The following ATP13A2 variants were observed in gnomAD, a reference collection of about 807,000 sequenced individuals.
ATP13A2 encodes polyamine-transporting ATPase 13A2.
In ATP13A2, 83 loss-of-function variants were observed where a neutral mutation model predicts 138.3. The ratio of observed to expected loss-of-function variants is 0.60; its 90% CI spans 0.50 to 0.72. The LOEUF (loss-of-function observed/expected upper bound fraction) is 0.72. ATP13A2 is among the 30% of genes least tolerant of loss of function. The pLI is 0.00. For missense variants in ATP13A2, 1,402 were observed against 1,606.4 expected, an observed-to-expected ratio of 0.87 and a Z score of 2.17; for synonymous variants, 663 against 699.0, an observed-to-expected ratio of 0.95 and a Z score of 0.81.
In ATP13A2 at chr1:16,995,706, A is replaced by T. The variant is rs942234663; in HGVS notation, c.1542+270T>A. ...AGTGATGTATCTGCCTCAGCCTCCC[A>T]AAGTGCTGGGATTACAGACGTGAGC... On this transcript the variant is annotated intron_variant, in intron 15 of 28. Transcript: ENST00000326735. This position sits in a 1 kb window ranked among gnomAD's most constrained non-coding sequence, Gnocchi z 4.1. 1 of 525,608 alleles carries T rather than the reference A, an allele frequency of 1.9e-6. No homozygotes were observed. The highest frequency in any genetic ancestry group is 1.9e-5 in the African/African-American group (1 of 52,722). 32.6% of individuals were successfully genotyped at this position (525,608 alleles called of 1,614,324 possible).
In ATP13A2 at chr1:16,986,845, C is replaced by T. The variant is rs2100647084; in HGVS notation, c.3195G>A (p.Val1065=). 6.2e-7 allele frequency: 1 copy of T among 1,613,928 alleles called. No homozygotes were observed. Among genetic ancestry groups the T allele is most frequent in the South Asian group, 1.1e-5 (1 of 91,070 alleles). ...SFQYLILAAA[V]SKGAPFRRPL... ...GCCGGCGGAAGGGCGCCCCCTTGGA[C>T]ACGGCTGCAGCCAGGATGAGGTACT... Residue 1065 remains valine (V), a synonymous_variant, in exon 27 of 29, where the codon GTG becomes GTA. Coordinates refer to ENST00000326735, the MANE Select transcript of ATP13A2 (RefSeq NM_022089.4). This position sits in a 1 kb window ranked among gnomAD's most constrained non-coding sequence, Gnocchi z 6.9.
chr1:17,000,194 G>GCGCC, intron 10 of ATP13A2, 52 bp from the exon 11 acceptor site: 1 of 1,570,254 alleles, frequency 6.4e-7, no homozygotes, highest in South Asian at 1.1e-5. Flanking sequence ...CCCCAGCCAT[G>GCGCC]CCCCCCCACC....
At position 17,001,915 on chromosome 1, in the gene ATP13A2, T is replaced by C. The variant is rs866290363; in HGVS notation, c.705+119A>G. 6.8e-6 allele frequency: 7 copies of C among 1,023,914 alleles called. No homozygotes were observed. In the Admixed American group the frequency reaches 8.2e-5, roughly 12 times the overall value. The allele number at this position is 1,023,914 out of a possible 1,614,324, so 63.4% of individuals were successfully genotyped here. On this transcript the variant is annotated intron_variant, in intron 8 of 28. Coordinates refer to ENST00000326735, the MANE Select transcript of ATP13A2 (RefSeq NM_022089.4). ...CAGGTTCTGAGATGACGATCCACTA[T>C]GGAGAAGGGGACAGCTGGTCTGGTT...
intron 8 of ATP13A2, among the ~76,000 whole-genome samples, chr1:17,001,652 G>T (rs2077361289): frequency 6.6e-6 from 1 of 152,290 alleles, no homozygotes; most frequent in African/African-American, 2.4e-5. Context: ...GGATTTCTCA[G>T]GTGTGAACAG....
At chr1:17,005,340 G>C (rs552168471) in intron 3 of ATP13A2, 34 bp downstream of exon 3, 1 of 1,567,678 alleles carries the variant, frequency 6.4e-7, no homozygotes, top group Non-Finnish European at 8.7e-7. Flanking sequence ...CCCTCACTGC[G>C]CTTCTCTAGC....
Position 17,000,113 on chromosome 1 carries a change from C to G in ATP13A2, c.937G>C (p.Val313Leu), listed in dbSNP as rs1435543621. Residue 313 changes from valine (V) to leucine (L), a missense_variant, in exon 11 of 29, where the codon GTG becomes CTG. Transcript: ENST00000326735. Reference protein sequence around the residue: ...EEEWVDSSELVPGDCLVLPQE... With the variant: ...EEEWVDSSELLPGDCLVLPQE... ...GGCAGCACCAGGCAGTCTCCGGGCA[C>G]TAGCTCACTGGAGTCCACCCACTCT... The G allele has an allele frequency of 6.2e-7, 1 of 1,613,380 alleles. No homozygotes were observed. The highest frequency in any genetic ancestry group is 8.5e-7 in the Non-Finnish European group (1 of 1,180,014).
Position 16,990,014 on chromosome 1 carries a change from AG to A in ATP13A2, c.2413-12del. 1 of 1,612,798 alleles carries A rather than the reference AG, an allele frequency of 6.2e-7. No individual in the cohort carries two copies. Among genetic ancestry groups the A allele is most frequent in the Non-Finnish European group, 8.5e-7 (1 of 1,179,422 alleles). ...AGCCTGGTCAGGATCCTGGGGGCCC[AG>A]GAAGCTCAGCTTAGCTCCCCCTGCC... On this transcript the variant is annotated splice_polypyrimidine_tract_variant and intron_variant, in intron 21 of 28. Transcript: ENST00000326735.
At chr1:17,000,798 C>A in intron 8 of ATP13A2, 1 of 461,274 alleles carries the variant, frequency 2.2e-6, no homozygotes, top group Non-Finnish European at 3.9e-6. Context: ...AAAAATTAGC[C>A]TGATGGGGTG....
At position 16,989,688 on chromosome 1, in the gene ATP13A2, C is replaced by T; in HGVS notation, c.2609+3G>A. ...TTGCCCACACCCTCTGCCGAGCACTCACTGAAGCTTCTGTAGCTCGCACAC... is the reference window on the plus strand; with the variant it reads ...TTGCCCACACCCTCTGCCGAGCACTTACTGAAGCTTCTGTAGCTCGCACAC... On this transcript the variant is annotated splice_donor_region_variant and intron_variant, in intron 23 of 28. Coordinates refer to ENST00000326735, the MANE Select transcript of ATP13A2 (RefSeq NM_022089.4). The T allele has an allele frequency of 6.2e-7, 1 of 1,614,094 alleles. No homozygotes were observed. Among genetic ancestry groups the T allele is most frequent in the Non-Finnish European group, 8.5e-7 (1 of 1,180,014 alleles).
rs145680532 is a variant in ATP13A2 at position 16,991,048 on chromosome 1, G to C, written c.2251+686C>G. 9.5e-3 allele frequency among the ~76,000 whole-genome samples: 1,437 copies of C among 150,696 alleles called. 28 individuals are homozygous for C. Among genetic ancestry groups the C allele is most frequent in the African/African-American group, 0.034 (1,377 of 41,040 alleles). ...CACTGCAACCTCCACCTCCCGGGTT[G>C]AAGTGATTCTCCTGCCTCAGCCTCC... On this transcript the variant is annotated intron_variant, in intron 20 of 28. Coordinates refer to ENST00000326735, the MANE Select transcript of ATP13A2 (RefSeq NM_022089.4).
intron 11 of ATP13A2, among the ~76,000 whole-genome samples, chr1:16,997,420 G>GGGA (rs2077175817): frequency 7.5e-6 from 1 of 132,552 alleles, no homozygotes; most frequent in African/African-American, 3.0e-5. Context: ...CCAGCGGGGG[G>GGGA]GGGTGGGTCA....
chr1:17,001,902 T>C, intron 8 of ATP13A2, 132 bp downstream of exon 8: 1 of 922,300 alleles, frequency 1.1e-6, no homozygotes, highest in Non-Finnish European at 1.6e-6. Flanking sequence ...GGTTCTGAGA[T>C]GACGATCCAC....
chr1:17,006,384 G>C, intron 1 of ATP13A2, among the ~76,000 whole-genome samples: 1 of 151,568 alleles, frequency 6.6e-6, no homozygotes. Context: ...CCGAGTAGCT[G>C]GGATTATAGG....
Position 16,986,693 on chromosome 1 carries a change from T to C in ATP13A2, c.3236-61A>G. The C allele has an allele frequency of 6.4e-7, 1 of 1,569,978 alleles. No homozygotes were observed. Among genetic ancestry groups the C allele is most frequent in the South Asian group, 1.1e-5 (1 of 87,686 alleles). ...CCCCCCCGGCACCCACAGACACACGTGTGCACGCCAGTCTTCCACTCGGCC... is the reference window on the plus strand; with the variant it reads ...CCCCCCCGGCACCCACAGACACACGCGTGCACGCCAGTCTTCCACTCGGCC... On this transcript the variant is annotated intron_variant, in intron 27 of 28. Transcript: ENST00000326735. This position sits in a 1 kb window ranked among gnomAD's most constrained non-coding sequence, Gnocchi z 6.9.
chr1:16,987,201 C>T lies in ATP13A2; in HGVS notation c.2928G>A (p.Val976=). 1 of 1,613,838 alleles carries T rather than the reference C, an allele frequency of 6.2e-7. No individual in the cohort carries two copies. The highest frequency in any genetic ancestry group is 8.5e-7 in the Non-Finnish European group (1 of 1,179,866). Residue 976 remains valine (V), a synonymous_variant, in exon 26 of 29, where the codon GTG becomes GTA. Transcript: ENST00000326735. ...GCGCTGGCCCCGTGCGGCTCATGAG[C>T]ACTGCCACTGTGGTGGTGATGACCA... ...IDLVITTTVA[V]LMSRTGPALV...
Position 16,995,768 on chromosome 1 carries a change from G to A in ATP13A2, c.1542+208C>T. ...GCCCCCCACCAGTTCTTGAACACAT[G>A]AATACATGATTCTAGACATTTCATC... On this transcript the variant is annotated intron_variant, in intron 15 of 28. Transcript: ENST00000326735. The surrounding 1 kb of genome is among the most constrained non-coding windows in gnomAD (Gnocchi z 4.1). 2 of 721,654 alleles carry A rather than the reference G, an allele frequency of 2.8e-6. No individual in the cohort carries two copies. Among genetic ancestry groups the A allele is most frequent in the South Asian group, 3.1e-5 (2 of 63,930 alleles). The allele number at this position is 721,654 out of a possible 1,614,324, so 44.7% of individuals were successfully genotyped here. A position where few individuals can be genotyped will look rare whatever the true frequency, so the allele number is the denominator to read the frequency against.
intron 7 of ATP13A2, 25 bp downstream of exon 7, chr1:17,002,271 C>T: frequency 6.2e-7 from 1 of 1,610,338 alleles, no homozygotes; most frequent in South Asian, 1.1e-5. Context: ...GTTCTCAGGG[C>T]ACCCCGGTCC....
chr1:16,987,128 C>T lies in ATP13A2; in HGVS notation c.3001G>A (p.Val1001Met), dbSNP rs749677780. 15 of 1,613,092 alleles carry T rather than the reference C, an allele frequency of 9.3e-6. No homozygotes were observed. The highest frequency in any genetic ancestry group is 3.3e-5 in the Admixed American group (2 of 59,994). ...RPPGALLSVP[V>M]LSSLLLQMVL... ...ATCTGCAGCAGCAGGCTGCTGAGCA[C>T]GGGCACGCTGAGCAGCGCCCCCGGT... The change falls in exon 26 of 29, where the codon GTG (valine) becomes ATG (methionine). Residue 1001 changes from valine (V) to methionine (M), a missense_variant. Val to Met is a conservative substitution (Grantham distance 21). Coordinates refer to ENST00000326735, the MANE Select transcript of ATP13A2 (RefSeq NM_022089.4).
rs2077780267 is a variant in ATP13A2 at position 17,011,316 on chromosome 1, G to A, written c.10+413C>T. ...GCCATTCATTCATTCATTCAGCCCA[G>A]AGGGGTTGCCCAGAGGCCCGAGGAT... On this transcript the variant is annotated intron_variant, in intron 1 of 28. Coordinates refer to ENST00000326735, the MANE Select transcript of ATP13A2 (RefSeq NM_022089.4). This position sits in a 1 kb window ranked among gnomAD's most constrained non-coding sequence, Gnocchi z 7.3. Among the ~76,000 whole-genome samples the A allele has an allele frequency of 6.6e-6, 1 of 151,788 alleles. No homozygotes were observed. The highest frequency in any genetic ancestry group is 1.5e-5 in the Non-Finnish European group (1 of 67,754).
Sources: allele counts gnomAD v4.1 joint callset (sites outside exome capture counted in the v4.1 genomes callset), GRCh38; gene constraint gnomAD v4.1.1; non-coding constraint Gnocchi (gnomAD v3.1); transcripts MANE v1.5; gene names NCBI Gene and HGNC (gene_info 2026-07-23, HGNC 2026-07-21).